Variants in FOCAD observed in about 807,000 individuals in gnomAD.
FOCAD encodes the protein KIAA1797.
In FOCAD, 198 loss-of-function variants were observed where a neutral mutation model predicts 225.6. The observed-to-expected ratio is 0.88, with a 90% CI of 0.78 to 0.99. The LOEUF is 0.99. FOCAD is among the 50% of genes least tolerant of loss of function. The pLI is 0.00. For synonymous variants in FOCAD, 897 were observed against 755.0 expected (o/e 1.19, Z -3.08); for missense variants, 2,713 against 2,123.6 (o/e 1.28, Z -5.46).
intron 20 of FOCAD, among the ~76,000 whole-genome samples, chr9:20,883,288 T>G (rs533714456): frequency 6.6e-6 from 1 of 152,202 alleles, no homozygotes; most frequent in South Asian, 2.1e-4. Context: ...AAAGAGGAAA[T>G]AGACAAACCC....
At chr9:20,815,137 G>GTTTTTTTTTGTTTTTTT (rs1823565046) in intron 11 of FOCAD, among the ~76,000 whole-genome samples, 2 of 69,114 alleles carry the variant, frequency 2.9e-5, no homozygotes, top group African/African-American at 1.2e-4. Flanking sequence ...TTTTTTTTTT[G>GTTTTTTTTTGTTTTTTT]TTTTTTTTTT....
chr9:20,764,408 C>T (rs1829879659), intron 6 of FOCAD, among the ~76,000 whole-genome samples: 1 of 152,138 alleles, frequency 6.6e-6, no homozygotes, highest in Non-Finnish European at 1.5e-5. Context: ...TGCATGCCAC[C>T]ACGCCCAGCT....
intron 3 of FOCAD, among the ~76,000 whole-genome samples, chr9:20,719,272 T>A (rs989947592): frequency 6.6e-6 from 1 of 152,006 alleles, no homozygotes; most frequent in Non-Finnish European, 1.5e-5. Flanking sequence ...TAGTAGAGAC[T>A]GGGTTTCACC....
chr9:20,754,167 T>C (rs1000396648), intron 5 of FOCAD, among the ~76,000 whole-genome samples: 1 of 152,060 alleles, frequency 6.6e-6, no homozygotes, highest in Non-Finnish European at 1.5e-5. Flanking sequence ...TAACAAGCAG[T>C]GGGTGAGAGG....
At chr9:20,785,321 T>C (rs1043732191) in intron 10 of FOCAD, among the ~76,000 whole-genome samples, 1 of 152,198 alleles carries the variant, frequency 6.6e-6, no homozygotes, top group Non-Finnish European at 1.5e-5. Flanking sequence ...GTATATTCAT[T>C]ACCACAATCC....
chr9:20,882,507 C>G (rs1400522041), intron 20 of FOCAD, among the ~76,000 whole-genome samples: 1 of 152,130 alleles, frequency 6.6e-6, no homozygotes, highest in Admixed American at 6.6e-5. Flanking sequence ...GCTTAGGAAA[C>G]AAAGACGAGC....
chr9:20,974,113 C>T (rs1009090991), intron 35 of FOCAD, among the ~76,000 whole-genome samples: 285 of 147,876 alleles, frequency 1.9e-3, no homozygotes, highest in African/African-American at 6.9e-3. Context: ...AGCATCTGTT[C>T]ATGGCCTCTG....
chr9:20,949,918 C>A (rs183945502), intron 33 of FOCAD, among the ~76,000 whole-genome samples: 2 of 152,004 alleles, frequency 1.3e-5, no homozygotes, highest in East Asian at 3.9e-4. Flanking sequence ...ATTGGTTTTT[C>A]TTAAAAATTA....
At chr9:20,943,941 G>T (rs1166800323) in intron 28 of FOCAD, among the ~76,000 whole-genome samples, 1 of 152,170 alleles carries the variant, frequency 6.6e-6, no homozygotes, top group Non-Finnish European at 1.5e-5. Flanking sequence ...AGAATTGGGG[G>T]CACAAAGCCC....
chr9:20,978,052 C>T (rs187751532), intron 36 of FOCAD, among the ~76,000 whole-genome samples: 2 of 152,236 alleles, frequency 1.3e-5, no homozygotes, highest in African/African-American at 4.8e-5. Flanking sequence ...AGAATTTTCT[C>T]ATATTTTAGA....
intron 23 of FOCAD, 81 bp downstream of exon 23, chr9:20,913,035 A>G (rs927101188): frequency 1.7e-6 from 2 of 1,166,972 alleles, no homozygotes; most frequent in Non-Finnish European, 1.3e-6. Flanking sequence ...TAAAGGCTTT[A>G]AGATTAGCAG....
chr9:20,771,943 G>T (rs1253997697), intron 8 of FOCAD, among the ~76,000 whole-genome samples: 1 of 152,090 alleles, frequency 6.6e-6, no homozygotes, highest in African/African-American at 2.4e-5. Context: ...TTGGATTATG[G>T]CCCCACCCTG....
At chr9:20,830,419 C>G (rs1825367221) in intron 15 of FOCAD, among the ~76,000 whole-genome samples, 1 of 151,992 alleles carries the variant, frequency 6.6e-6, no homozygotes, top group Non-Finnish European at 1.5e-5. Flanking sequence ...TAAAGCATCA[C>G]ATTTACTTTG....
intron 1 of FOCAD, among the ~76,000 whole-genome samples, chr9:20,707,043 C>T (rs978601596): frequency 6.6e-6 from 1 of 152,158 alleles, no homozygotes; most frequent in Non-Finnish European, 1.5e-5. Context: ...CATATTCTTA[C>T]TGTACCATAT....
intron 18 of FOCAD, among the ~76,000 whole-genome samples, chr9:20,867,547 T>A (rs1293735932): frequency 6.6e-6 from 1 of 152,082 alleles, no homozygotes; most frequent in Non-Finnish European, 1.5e-5. Context: ...TTGTCCCTGT[T>A]TGCAGATGAC....
chr9:20,945,466 A>T (rs1837082560), intron 29 of FOCAD, among the ~76,000 whole-genome samples: 1 of 152,192 alleles, frequency 6.6e-6, no homozygotes, highest in Non-Finnish European at 1.5e-5. Context: ...CAGCCTGCCC[A>T]TGAGCTATTG....
chr9:20,859,526 A>G (rs1368652921), intron 15 of FOCAD, among the ~76,000 whole-genome samples: 1 of 150,772 alleles, frequency 6.6e-6, no homozygotes, highest in African/African-American at 2.4e-5. Context: ...ATATAAGCTT[A>G]TTTGTATTAC....
intron 16 of FOCAD, among the ~76,000 whole-genome samples, chr9:20,864,747 T>C (rs1360803485): frequency 6.6e-6 from 1 of 152,132 alleles, no homozygotes; most frequent in Non-Finnish European, 1.5e-5. Flanking sequence ...ACTTATTCAT[T>C]GAATCAGAAT....
intron 8 of FOCAD, among the ~76,000 whole-genome samples, chr9:20,774,981 G>A (rs1283000840): frequency 6.6e-6 from 1 of 152,138 alleles, no homozygotes; most frequent in Non-Finnish European, 1.5e-5. Flanking sequence ...AGGTCTATAT[G>A]TACTACAATT....
Sources: gnomAD v4.1 joint callset for allele counts (sites outside exome capture counted in the v4.1 genomes callset) on GRCh38, gnomAD v4.1.1 for gene constraint, MANE v1.5 for transcripts, NCBI Gene and HGNC (gene_info 2026-07-23, HGNC 2026-07-21) for gene names.